The following DCUN1D4 variants were observed in gnomAD, a reference collection of about 807,000 sequenced individuals.
DCUN1D4 encodes defective in cullin neddylation 1 domain containing 4, also known as DCN1-like protein 4.
DCUN1D4 carries 22 observed loss-of-function variants against 47.9 expected under a neutral mutation model. The ratio of observed to expected loss-of-function variants is 0.46; its 90% CI spans 0.33 to 0.66. The LOEUF is 0.66. Among genes scored for constraint, DCUN1D4 ranks in the 30% least tolerant of loss-of-function variants. DCUN1D4 has a pLI of 0.02. For missense variants in DCUN1D4, 301 were observed against 340.8 expected (o/e 0.88, Z 0.92); for synonymous variants, 121 against 112.2 (o/e 1.08, Z -0.50).
At chr4:51,849,022 C>A (rs1221973859) in intron 1 of DCUN1D4, among the ~76,000 whole-genome samples, 1 of 152,104 alleles carries the variant, frequency 6.6e-6, no homozygotes, top group Non-Finnish European at 1.5e-5. Context: ...TCCATTTGTG[C>A]TTCTCCCCCT....
At chr4:51,890,435 C>T (rs1046486987) in intron 6 of DCUN1D4, among the ~76,000 whole-genome samples, 3 of 152,246 alleles carry the variant, frequency 2.0e-5, no homozygotes, top group Admixed American at 2.0e-4. Flanking sequence ...ATATCCTAGT[C>T]CTTGGAGAAA....
chr4:51,835,728 A>G, the DCUN1D4 span, among the ~76,000 whole-genome samples: 2 of 151,980 alleles, frequency 1.3e-5, no homozygotes, highest in African/African-American at 4.8e-5. Flanking sequence ...GAATGCCATG[A>G]TGAGATGAGA....
At chr4:51,898,520 C>T (rs113156884) in intron 7 of DCUN1D4, among the ~76,000 whole-genome samples, 1 of 152,192 alleles carries the variant, frequency 6.6e-6, no homozygotes. Flanking sequence ...CTCAAAGTAT[C>T]ATCCTGTAGA....
chr4:51,858,978 G>A (rs1015626645), intron 1 of DCUN1D4, among the ~76,000 whole-genome samples: 22 of 152,118 alleles, frequency 1.4e-4, no homozygotes, highest in Admixed American at 1.4e-3. Flanking sequence ...TATCTGATAG[G>A]GCAAGTTCAT....
At chr4:51,857,639 A>G (rs551166576) in intron 1 of DCUN1D4, among the ~76,000 whole-genome samples, 27 of 152,326 alleles carry the variant, frequency 1.8e-4, no homozygotes, top group African/African-American at 6.5e-4. Flanking sequence ...GGAATGTGCC[A>G]TTCCTGTCAT....
At position 51,843,522 on chromosome 4, in the gene DCUN1D4, C is replaced by CGAA. The variant is rs1394775471; in HGVS notation, c.25+255_25+256insGAA. 5 of 1,279,248 alleles carry CGAA rather than the reference C, an allele frequency of 3.9e-6. No homozygotes were observed. The African/African-American group carries it at 8.2e-5, about 21-fold the overall frequency. The allele number at this position is 1,279,248 out of a possible 1,614,324, so 79.2% of individuals were successfully genotyped here. A position where few individuals can be genotyped will look rare whatever the true frequency, so the allele number is the denominator to read the frequency against. ...AGGGGGGTGGGGACTGGCTCTCTTT[C>CGAA]AGTGTTGGGGGAAGGGAGGGCTGGA... On this transcript the variant is annotated intron_variant, in intron 1 of 10. Transcript: ENST00000334635.
chr4:51,868,477 G>C (rs1469709936), intron 3 of DCUN1D4, among the ~76,000 whole-genome samples: 1 of 152,242 alleles, frequency 6.6e-6, no homozygotes, highest in Non-Finnish European at 1.5e-5. Flanking sequence ...TCTTGGAGTA[G>C]TCAACTTCAT....
chr4:51,848,741 GTTTT>G (rs1250104849), intron 1 of DCUN1D4, among the ~76,000 whole-genome samples: 3 of 152,264 alleles, frequency 2.0e-5, no homozygotes, highest in African/African-American at 7.2e-5. Flanking sequence ...TTGTGTGACA[GTTTT>G]AGATGTAGCA....
intron 1 of DCUN1D4, chr4:51,843,469 G>C: frequency 8.0e-7 from 1 of 1,247,910 alleles, no homozygotes; most frequent in Non-Finnish European, 1.0e-6. Context: ...TGGGGGGAAG[G>C]GACCGGCCTG....
intron 10 of DCUN1D4, 53 bp from the exon 11 acceptor site, chr4:51,913,476 A>G: frequency 1.3e-6 from 2 of 1,562,098 alleles, no homozygotes; most frequent in Non-Finnish European, 1.7e-6. Flanking sequence ...CATTACTATT[A>G]TTATTATTGT....
chr4:51,901,943 T>A (rs1024905134), intron 8 of DCUN1D4, among the ~76,000 whole-genome samples: 15 of 152,254 alleles, frequency 9.9e-5, no homozygotes, highest in Admixed American at 9.2e-4. Context: ...CCTGTTCTTT[T>A]TTGCTTTGTT....
chr4:51,854,025 C>G (rs1456759868), intron 1 of DCUN1D4, among the ~76,000 whole-genome samples: 3 of 152,194 alleles, frequency 2.0e-5, no homozygotes, highest in African/African-American at 7.2e-5. Context: ...AAAGAAATTC[C>G]TACTTGTAGC....
At chr4:51,895,559 TAAAAAAAA>T (rs67542268) in intron 7 of DCUN1D4, among the ~76,000 whole-genome samples, 32,180 of 89,106 alleles carry the variant, frequency 0.36, 5,730 homozygotes, top group East Asian at 0.6. Flanking sequence ...TGCTTAAACT[TAAAAAAAA>T]AAAAAAAAAA....
At chr4:51,899,440 T>G in intron 8 of DCUN1D4, 62 bp downstream of exon 8, 1 of 1,522,030 alleles carries the variant, frequency 6.6e-7, no homozygotes, top group Non-Finnish European at 8.8e-7. Flanking sequence ...TAAATTGCCT[T>G]TTGAGGTTAG....
At position 51,843,167 on chromosome 4, in the gene DCUN1D4, G is replaced by A. The variant is rs1230045899; in HGVS notation, c.-76G>A. On this transcript the variant is annotated 5_prime_UTR_variant, in exon 1 of 11. It adds an upstream start codon to the 5' untranslated region. Coordinates refer to ENST00000334635, the MANE Select transcript of DCUN1D4 (RefSeq NM_001040402.3). The stretch of plus-strand genomic sequence containing the variant: ...GGCGGGTCCTCAGCTTCGAGCCGAG[G>A]TGCAGTGAGCTGGTGGGGGGACCGC... 4 of 1,528,910 alleles carry A rather than the reference G, an allele frequency of 2.6e-6. No individual in the cohort carries two copies. The highest frequency in any genetic ancestry group is 3.5e-6 in the Non-Finnish European group (4 of 1,138,638). 94.7% of individuals were successfully genotyped at this position (1,528,910 alleles called of 1,614,324 possible).
intron 8 of DCUN1D4, among the ~76,000 whole-genome samples, chr4:51,907,133 A>T (rs1047792330): frequency 8.5e-5 from 13 of 152,182 alleles, no homozygotes; most frequent in African/African-American, 3.1e-4. Context: ...AAATAATGAC[A>T]TTTTTTTAGA....
chr4:51,899,466 G>C (rs1026656480), intron 8 of DCUN1D4, 88 bp downstream of exon 8: 19 of 1,482,300 alleles, frequency 1.3e-5, no homozygotes, highest in Admixed American at 3.1e-5. Flanking sequence ...ACATGCCACA[G>C]CAAAAAAACT....
At chr4:51,865,880 A>G (rs1427402859) in intron 3 of DCUN1D4, among the ~76,000 whole-genome samples, 1 of 152,194 alleles carries the variant, frequency 6.6e-6, no homozygotes, top group Non-Finnish European at 1.5e-5. Context: ...ACAACTAGAT[A>G]AGCACAAGCC....
At chr4:51,843,468 G>A in intron 1 of DCUN1D4, 1 of 1,260,964 alleles carries the variant, frequency 7.9e-7, no homozygotes, top group Non-Finnish European at 1.0e-6. Flanking sequence ...GTGGGGGGAA[G>A]GGACCGGCCT....
Sources: allele counts gnomAD v4.1 joint callset (sites outside exome capture counted in the v4.1 genomes callset), GRCh38; gene constraint gnomAD v4.1.1; transcripts MANE v1.5; gene names NCBI Gene and HGNC (gene_info 2026-07-23, HGNC 2026-07-21).